The following TNS3 variants were observed in gnomAD, a reference collection of about 807,000 sequenced individuals.
TNS3 encodes tensin 3.
A neutral mutation model predicts 140.9 loss-of-function variants in TNS3; 45 were observed. That is an observed-to-expected ratio of 0.32 (90% confidence interval 0.25 to 0.41). The LOEUF is 0.41. Among genes scored for constraint, TNS3 ranks in the 10% least tolerant of loss-of-function variants. TNS3 has a pLI of 1.00. For synonymous variants in TNS3, 815 were observed against 788.4 expected, an observed-to-expected ratio of 1.03 and a Z score of -0.56; for missense variants, 1,716 against 1,906.7, an observed-to-expected ratio of 0.90 and a Z score of 1.86.
intron 2 of TNS3, among the ~76,000 whole-genome samples, chr7:47,520,103 G>A (rs1798919334): frequency 6.6e-6 from 1 of 151,944 alleles, no homozygotes; most frequent in Non-Finnish European, 1.5e-5. Context: ...GGGATTACAG[G>A]CTTCAGCCAC....
At chr7:47,389,264 G>A (rs187684888) in intron 16 of TNS3, among the ~76,000 whole-genome samples, 70 of 151,952 alleles carry the variant, frequency 4.6e-4, no homozygotes, top group Non-Finnish European at 6.9e-4. Flanking sequence ...TTGTAGACCC[G>A]TCTGCATGCA....
intron 4 of TNS3, among the ~76,000 whole-genome samples, chr7:47,478,788 G>T (rs1459866545): frequency 2.0e-5 from 3 of 151,786 alleles, no homozygotes; most frequent in Non-Finnish European, 4.4e-5. Context: ...TCATTTGTGT[G>T]CGTATAACAA....
chr7:47,566,025 T>G (rs920143318), intron 1 of TNS3, among the ~76,000 whole-genome samples: 8 of 5,670 alleles, frequency 1.4e-3, no homozygotes, highest in African/African-American at 1.6e-3. Context: ...TTCAGATTAG[T>G]ATACATATTG....
At chr7:47,318,142 C>T (rs1220387317) in intron 20 of TNS3, among the ~76,000 whole-genome samples, 1 of 152,186 alleles carries the variant, frequency 6.6e-6, no homozygotes, top group Non-Finnish European at 1.5e-5. Flanking sequence ...TGTATGAATT[C>T]AATGACTCTA....
Position 47,353,216 on chromosome 7 carries a change from T to C in TNS3, c.2282-6860A>G, listed in dbSNP as rs17172281. ...AGGTGGGGACAAGGATCAGGTCTTA[T>C]TCAGCTCCAAAGTCTGTCCAAGCTG... On this transcript the variant is annotated intron_variant, in intron 17 of 30. Coordinates refer to ENST00000311160, the MANE Select transcript of TNS3 (RefSeq NM_022748.12). 5.8e-3 allele frequency among the ~76,000 whole-genome samples: 882 copies of C among 152,296 alleles called. 41 individuals are homozygous for C. The East Asian group carries it at 0.11, about 19-fold the overall frequency.
chr7:47,569,631 A>G (rs1800508395), intron 1 of TNS3, among the ~76,000 whole-genome samples: 1 of 151,976 alleles, frequency 6.6e-6, no homozygotes, highest in Non-Finnish European at 1.5e-5. Context: ...AGGTGGGTGG[A>G]TCACCTGAGA....
Position 47,437,275 on chromosome 7 carries a change from C to T in TNS3, c.189G>A (p.Lys63=). The change falls in exon 7 of 31, where the codon AAG becomes AAA. Residue 63 remains lysine (K), a synonymous_variant. Transcript: ENST00000311160. ...NLSEKRYDLT[K]LNPKIMDVGW... Reference sequence around the variant, plus strand: ...ATGAACTCTGTACCTTTGGGTTAAGCTTCGTAAGGTCATATCTCTTTTCTG... The same window carrying T: ...ATGAACTCTGTACCTTTGGGTTAAGTTTCGTAAGGTCATATCTCTTTTCTG... The T allele has an allele frequency of 6.4e-7, 1 of 1,561,442 alleles. No individual in the cohort carries two copies. The highest frequency in any genetic ancestry group is 1.2e-5 in the South Asian group (1 of 80,010).
chr7:47,328,917 C>A (rs561040070), intron 20 of TNS3, among the ~76,000 whole-genome samples: 1 of 152,314 alleles, frequency 6.6e-6, no homozygotes, highest in African/African-American at 2.4e-5. Context: ...GCAGCCTCTA[C>A]GCACTGTGTC....
At chr7:47,472,851 C>T (rs1165843743) in intron 4 of TNS3, among the ~76,000 whole-genome samples, 1 of 152,192 alleles carries the variant, frequency 6.6e-6, no homozygotes, top group Non-Finnish European at 1.5e-5. Flanking sequence ...AGGCAGGACC[C>T]TGAGCCGTTG....
chr7:47,438,858 C>T (rs1795320460), intron 6 of TNS3, among the ~76,000 whole-genome samples: 1 of 152,094 alleles, frequency 6.6e-6, no homozygotes, highest in Admixed American at 6.6e-5. Flanking sequence ...GAGAGGGTGC[C>T]AGGGAGCTGT....
intron 16 of TNS3, among the ~76,000 whole-genome samples, chr7:47,389,073 A>AGGAAGAGAAAGAGGAAGCGGAAGC (rs1562675131): frequency 1.6e-5 from 1 of 62,014 alleles, no homozygotes; most frequent in African/African-American, 7.2e-5. Context: ...GAAGAAGAAG[A>AGGAAGAGAAAGAGGAAGCGGAAGC]AGAAGAAGAA....
intron 16 of TNS3, among the ~76,000 whole-genome samples, chr7:47,378,607 G>A (rs909867538): frequency 1.3e-5 from 2 of 152,150 alleles, no homozygotes; most frequent in African/African-American, 4.8e-5. Context: ...AGCTAACTGG[G>A]CAACCACTGT....
intron 20 of TNS3, 53 bp downstream of exon 20, chr7:47,344,702 G>A (rs556827170): frequency 3.3e-6 from 5 of 1,536,312 alleles, no homozygotes; most frequent in East Asian, 2.3e-5. Flanking sequence ...TGGCGACCCC[G>A]CGATGCAGCG....
At chr7:47,514,751 C>T (rs932462362) in intron 2 of TNS3, among the ~76,000 whole-genome samples, 9 of 152,136 alleles carry the variant, frequency 5.9e-5, no homozygotes, top group African/African-American at 1.9e-4. Context: ...AGCATTTATG[C>T]GTGGTCTGAC....
chr7:47,301,418 G>A (rs1470377480), intron 23 of TNS3, among the ~76,000 whole-genome samples: 3 of 152,056 alleles, frequency 2.0e-5, no homozygotes, highest in Non-Finnish European at 4.4e-5. Context: ...GCTCAGCTGA[G>A]ACACAGCATC....
chr7:47,357,140 T>C (rs1280885975), intron 17 of TNS3, among the ~76,000 whole-genome samples: 1 of 152,190 alleles, frequency 6.6e-6, no homozygotes, highest in African/African-American at 2.4e-5. Context: ...TGAAAACTCA[T>C]GACATGCTAG....
chr7:47,511,898 C>G (rs551568539), intron 2 of TNS3, among the ~76,000 whole-genome samples: 2 of 152,366 alleles, frequency 1.3e-5, no homozygotes, highest in East Asian at 3.9e-4. Context: ...GACACATGCC[C>G]TGCTGGCTGG....
In TNS3 at chr7:47,302,169, T is replaced by A; in HGVS notation, c.3544+17A>T. The A allele has an allele frequency of 6.2e-7, 1 of 1,602,536 alleles. No individual in the cohort carries two copies. Among genetic ancestry groups the A allele is most frequent in the Non-Finnish European group, 8.6e-7 (1 of 1,169,438 alleles). The stretch of plus-strand genomic sequence containing the variant: ...CTAGGGCAGATGCCCAAGGAGGCCC[T>A]CATCCTCCCCACATACCTTGTTCTC... On this transcript the variant is annotated intron_variant, in intron 23 of 30. Transcript: ENST00000311160.
chr7:47,388,146 G>C (rs1361868824), intron 16 of TNS3, among the ~76,000 whole-genome samples: 2 of 152,248 alleles, frequency 1.3e-5, no homozygotes, highest in South Asian at 4.1e-4. Flanking sequence ...CTGGGAATAG[G>C]GGCTTGACTG....
Sources: allele counts gnomAD v4.1 joint callset (sites outside exome capture counted in the v4.1 genomes callset), GRCh38; gene constraint gnomAD v4.1.1; transcripts MANE v1.5; gene names NCBI Gene and HGNC (gene_info 2026-07-23, HGNC 2026-07-21).